Variants in ARHGAP17 observed in about 807,000 individuals in gnomAD.
ARHGAP17 encodes the protein rho GTPase-activating protein 17.
ARHGAP17 carries 57 observed loss-of-function variants against 99.5 expected under a neutral mutation model. The ratio of observed to expected loss-of-function variants is 0.57; its 90% CI spans 0.46 to 0.71. ARHGAP17 has a LOEUF of 0.71. Ranked by LOEUF, ARHGAP17 falls within the 30% of genes least tolerant of loss-of-function variation. The pLI, the probability that ARHGAP17 is intolerant of heterozygous loss-of-function variation, is 0.00. For missense variants in ARHGAP17, 1,000 were observed against 1,122.4 expected (o/e 0.89, Z 1.56); for synonymous variants, 417 against 429.6 (o/e 0.97, Z 0.36).
At chr16:24,960,028 A>G in intron 7 of ARHGAP17, 49 bp from the exon 8 acceptor site, 2 of 1,569,122 alleles carry the variant, frequency 1.3e-6, no homozygotes, top group Non-Finnish European at 1.8e-6. Flanking sequence ...GAAGTGAAAC[A>G]AAATGGCATC....
chr16:25,008,916 A>G (rs1187242378), intron 1 of ARHGAP17, among the ~76,000 whole-genome samples: 2 of 152,246 alleles, frequency 1.3e-5, no homozygotes, highest in Non-Finnish European at 2.9e-5. Context: ...TAAACTACAT[A>G]ATAAGGCCAT....
At chr16:24,993,753 G>A (rs2053118211) in intron 1 of ARHGAP17, among the ~76,000 whole-genome samples, 1 of 152,160 alleles carries the variant, frequency 6.6e-6, no homozygotes, top group African/African-American at 2.4e-5. Flanking sequence ...ATGGACCAAA[G>A]TTAAATTTCT....
At chr16:24,997,503 C>A (rs2053229945) in intron 1 of ARHGAP17, among the ~76,000 whole-genome samples, 1 of 152,236 alleles carries the variant, frequency 6.6e-6, no homozygotes, top group Non-Finnish European at 1.5e-5. Context: ...ATCCCTCTGG[C>A]TGCAGTGTGG....
chr16:24,975,602 A>C (rs2052491320), intron 3 of ARHGAP17, among the ~76,000 whole-genome samples: 2 of 152,176 alleles, frequency 1.3e-5, no homozygotes, highest in Admixed American at 6.5e-5. Context: ...GTTGTGCAAG[A>C]GTGGAAAAAC....
intron 1 of ARHGAP17, among the ~76,000 whole-genome samples, chr16:24,986,067 G>A (rs8051830): frequency 6.6e-6 from 1 of 151,918 alleles, no homozygotes; most frequent in African/African-American, 2.4e-5. Context: ...GAAGACAGTT[G>A]AAGACCGTCA....
At chr16:24,988,320 C>T (rs377346899) in intron 1 of ARHGAP17, among the ~76,000 whole-genome samples, 1 of 152,114 alleles carries the variant, frequency 6.6e-6, no homozygotes, top group South Asian at 2.1e-4. Flanking sequence ...GTTTACAGAA[C>T]TCTAAAGGGA....
chr16:24,945,330 AAAAG>A (rs752349364), intron 14 of ARHGAP17, among the ~76,000 whole-genome samples: 8 of 151,762 alleles, frequency 5.3e-5, no homozygotes, highest in East Asian at 1.9e-4. Context: ...CTCAAAAAAA[AAAAG>A]AAAGGAAGAA....
At chr16:25,002,574 C>G (rs2053391934) in intron 1 of ARHGAP17, among the ~76,000 whole-genome samples, 1 of 152,196 alleles carries the variant, frequency 6.6e-6, no homozygotes. Context: ...AGAAGCTTTT[C>G]TAACGATGGA....
In ARHGAP17 at chr16:25,007,044, G is replaced by A. The variant is rs530209031; in HGVS notation, c.53+8165C>T. ...ACCCAATGTTACTTCAGATCACTAT[G>A]GCCCTGGAAAGGAATGAACATTACA... On this transcript the variant is annotated intron_variant, in intron 1 of 19. Coordinates refer to ENST00000289968, the MANE Select transcript of ARHGAP17 (RefSeq NM_001006634.3). Among the ~76,000 whole-genome samples, 45 of 152,236 alleles carry A rather than the reference G, an allele frequency of 3.0e-4. 1 individual carries two copies. The South Asian group carries it at 6.8e-3, about 23-fold the overall frequency.
At chr16:24,996,410 A>G (rs1248930302) in intron 1 of ARHGAP17, among the ~76,000 whole-genome samples, 1 of 152,240 alleles carries the variant, frequency 6.6e-6, no homozygotes, top group Non-Finnish European at 1.5e-5. Context: ...AGGCAAATCT[A>G]GCATTTCATC....
chr16:24,998,697 A>G (rs1022669373), intron 1 of ARHGAP17, among the ~76,000 whole-genome samples: 2 of 152,236 alleles, frequency 1.3e-5, no homozygotes, highest in African/African-American at 4.8e-5. Flanking sequence ...GCAGCCCCAC[A>G]CTGCACGACT....
chr16:24,998,042 G>T (rs549082161), intron 1 of ARHGAP17, among the ~76,000 whole-genome samples: 2 of 152,142 alleles, frequency 1.3e-5, no homozygotes, highest in East Asian at 3.9e-4. Context: ...GGACACAGCG[G>T]AAGGAGAACC....
chr16:24,959,117 T>C (rs1173351709), intron 9 of ARHGAP17, among the ~76,000 whole-genome samples: 9 of 152,016 alleles, frequency 5.9e-5, no homozygotes, highest in Non-Finnish European at 8.8e-5. Context: ...TTGAATATGA[T>C]AGGAGAAATA....
chr16:24,989,600 G>A (rs1198257142), intron 1 of ARHGAP17, among the ~76,000 whole-genome samples: 2 of 151,884 alleles, frequency 1.3e-5, no homozygotes, highest in African/African-American at 4.8e-5. Flanking sequence ...GGGGTGGGGG[G>A]AATGGGGATT....
At chr16:24,972,088 C>T (rs926212057) in intron 3 of ARHGAP17, among the ~76,000 whole-genome samples, 1 of 152,258 alleles carries the variant, frequency 6.6e-6, no homozygotes, top group African/African-American at 2.4e-5. Context: ...AGGGTCCACC[C>T]CTGACATGTC....
chr16:24,995,141 G>C (rs372886528), intron 1 of ARHGAP17, among the ~76,000 whole-genome samples: 1 of 152,164 alleles, frequency 6.6e-6, no homozygotes, highest in Non-Finnish European at 1.5e-5. Context: ...GTAATGGCCC[G>C]ATAATTAAAT....
Position 24,949,445 on chromosome 16 carries a change from T to G in ARHGAP17, c.1086A>C (p.Arg362Ser). 1 of 1,613,984 alleles carries G rather than the reference T, an allele frequency of 6.2e-7. No homozygotes were observed. The change falls in exon 13 of 20, where the codon AGA becomes AGC. Residue 362 changes from arginine (R) to serine (S), a missense_variant. Around this residue, in one of 2 missense-constraint regions of ARHGAP17, gnomAD observed 472 missense variants for 611.1 expected, o/e 0.77. Coordinates refer to ENST00000289968, the MANE Select transcript of ARHGAP17 (RefSeq NM_001006634.3). ...TTTGTGGTGGCAACTTCTGACATGT[T>G]CTCCACAAGTCTTGAAGTTTTTTGT... ...DQDKKLQDLW[R>S]TCQKLPPQNF...
chr16:25,000,421 T>C (rs1325025492), intron 1 of ARHGAP17, among the ~76,000 whole-genome samples: 2 of 152,202 alleles, frequency 1.3e-5, no homozygotes, highest in Non-Finnish European at 2.9e-5. Context: ...TAACTAAGCA[T>C]TGCTTGGACA....
chr16:24,976,371 A>T (rs1373879920), intron 3 of ARHGAP17, among the ~76,000 whole-genome samples: 1 of 152,090 alleles, frequency 6.6e-6, no homozygotes, highest in Non-Finnish European at 1.5e-5. Context: ...CTACAAAAAA[A>T]TTTAAAAAAT....
Sources: gnomAD v4.1 joint callset for allele counts (sites outside exome capture counted in the v4.1 genomes callset) on GRCh38, gnomAD v4.1.1 for gene constraint, gnomAD v4.1.1 regional missense constraint, MANE v1.5 for transcripts, NCBI Gene and HGNC (gene_info 2026-07-23, HGNC 2026-07-21) for gene names.